MOB3B: variants seen among roughly 807,000 people sequenced by gnomAD.
MOB3B encodes the protein MOB kinase activator 3B.
A neutral mutation model predicts 18.7 loss-of-function variants in MOB3B; 7 were observed. The observed-to-expected ratio is 0.37, with a 90% confidence interval of 0.21 to 0.70. MOB3B has a LOEUF of 0.70. Ranked by LOEUF, MOB3B falls within the 30% of genes least tolerant of loss-of-function variation. The pLI is 0.52. For missense variants in MOB3B, 253 were observed against 281.3 expected, an observed-to-expected ratio of 0.90 and a Z score of 0.72; for synonymous variants, 111 against 99.9, an observed-to-expected ratio of 1.11 and a Z score of -0.66.
intron 2 of MOB3B, among the ~76,000 whole-genome samples, chr9:27,449,035 T>C (rs1329927976): frequency 6.6e-6 from 1 of 152,214 alleles, no homozygotes; most frequent in East Asian, 1.9e-4. Context: ...ACACTGGACA[T>C]GAACAGGTTT....
intron 2 of MOB3B, among the ~76,000 whole-genome samples, chr9:27,418,773 C>T (rs112411128): frequency 4.6e-5 from 7 of 152,202 alleles, no homozygotes; most frequent in African/African-American, 1.7e-4. Context: ...AGAACTGGAA[C>T]AAGACAAGAA....
intron 2 of MOB3B, among the ~76,000 whole-genome samples, chr9:27,368,668 C>T (rs1821371614): frequency 6.6e-6 from 1 of 152,220 alleles, no homozygotes; most frequent in Non-Finnish European, 1.5e-5. Flanking sequence ...CTGCCCCTCC[C>T]CAGCCCCTTT....
intron 3 of MOB3B, among the ~76,000 whole-genome samples, chr9:27,336,932 G>A (rs1364081544): frequency 2.0e-5 from 3 of 152,140 alleles, no homozygotes; most frequent in Non-Finnish European, 4.4e-5. Flanking sequence ...GGAAAGCTGC[G>A]AGTCCCCCGG....
At chr9:27,378,659 ACT>A in intron 2 of MOB3B, 1 of 470,696 alleles carries the variant, frequency 2.1e-6, no homozygotes, top group South Asian at 1.5e-5. Flanking sequence ...AGCCCTGATG[ACT>A]CCCTGACCCA....
chr9:27,376,475 G>A (rs969553899), intron 2 of MOB3B, among the ~76,000 whole-genome samples: 2 of 152,148 alleles, frequency 1.3e-5, no homozygotes, highest in African/African-American at 2.4e-5. Context: ...GCATGCTGCC[G>A]TTAGAAAAAA....
At chr9:27,526,522 C>A (rs1820440878) in intron 1 of MOB3B, 1 of 152,208 alleles carries the variant, frequency 6.6e-6, no homozygotes, top group Non-Finnish European at 1.5e-5. Context: ...AGGTCAATTA[C>A]TTTAGTCATT....
At chr9:27,392,300 T>C (rs142228118) in intron 2 of MOB3B, among the ~76,000 whole-genome samples, 1 of 152,304 alleles carries the variant, frequency 6.6e-6, no homozygotes, top group African/African-American at 2.4e-5. Context: ...TAATGAGAAA[T>C]AACTGCATAG....
chr9:27,401,300 ATT>A (rs1587183692), intron 2 of MOB3B, among the ~76,000 whole-genome samples: 1 of 152,314 alleles, frequency 6.6e-6, no homozygotes. Flanking sequence ...TGACTTTTCG[ATT>A]CAATGGCTCA....
intron 1 of MOB3B, among the ~76,000 whole-genome samples, chr9:27,490,704 A>G (rs530385515): frequency 5.7e-4 from 86 of 152,096 alleles, no homozygotes; most frequent in Non-Finnish European, 5.0e-4. Flanking sequence ...CAGCAAAACA[A>G]CTCCAAAGCC....
intron 2 of MOB3B, among the ~76,000 whole-genome samples, chr9:27,418,868 T>C (rs988672181): frequency 1.3e-5 from 2 of 152,234 alleles, no homozygotes; most frequent in South Asian, 4.2e-4. Context: ...ACTGTCACTG[T>C]TTGCTGACAA....
At chr9:27,528,684 G>T (rs1165181855) in intron 1 of MOB3B, among the ~76,000 whole-genome samples, 1 of 152,174 alleles carries the variant, frequency 6.6e-6, no homozygotes, top group Non-Finnish European at 1.5e-5. Flanking sequence ...TAGGGGAAAC[G>T]CGGAGAAACA....
At chr9:27,374,722 A>C (rs973477705) in intron 2 of MOB3B, among the ~76,000 whole-genome samples, 4 of 152,184 alleles carry the variant, frequency 2.6e-5, no homozygotes. Context: ...GAAACTGGAA[A>C]CTATAACACA....
chr9:27,452,192 C>G (rs776344006), intron 2 of MOB3B, among the ~76,000 whole-genome samples: 1 of 150,734 alleles, frequency 6.6e-6, no homozygotes, highest in Non-Finnish European at 1.5e-5. Context: ...ATCCAAACAT[C>G]CATCCACCCA....
intron 3 of MOB3B, among the ~76,000 whole-genome samples, chr9:27,334,772 T>C (rs2131332424): frequency 6.6e-6 from 1 of 152,362 alleles, no homozygotes; most frequent in South Asian, 2.1e-4. Context: ...AAATCAACGC[T>C]CTCAGTTTAC....
At chr9:27,343,882 T>TA (rs1288714469) in intron 3 of MOB3B, among the ~76,000 whole-genome samples, 1 of 152,114 alleles carries the variant, frequency 6.6e-6, no homozygotes, top group Non-Finnish European at 1.5e-5. Context: ...TTCCCCATCC[T>TA]GGCCTCACTT....
chr9:27,344,575 G>A (rs1463224649), intron 3 of MOB3B, among the ~76,000 whole-genome samples: 5 of 152,184 alleles, frequency 3.3e-5, no homozygotes, highest in African/African-American at 1.2e-4. Flanking sequence ...GTAGCCGTCA[G>A]GGAAAGAGTG....
At chr9:27,365,257 T>C (rs185458042) in intron 2 of MOB3B, among the ~76,000 whole-genome samples, 57 of 151,234 alleles carry the variant, frequency 3.8e-4, no homozygotes, top group African/African-American at 1.4e-3. Flanking sequence ...ATGTTGCTTT[T>C]GGGGAGAAGA....
At chr9:27,423,322 C>G (rs1822283540) in intron 2 of MOB3B, among the ~76,000 whole-genome samples, 1 of 151,494 alleles carries the variant, frequency 6.6e-6, no homozygotes, top group East Asian at 1.9e-4. Flanking sequence ...TATTATTGCA[C>G]ATAAATATAA....
In MOB3B at chr9:27,330,630, G is replaced by T. The variant is rs544003980; in HGVS notation, c.622-14C>A. ...CGTCATTTCTTTCTGGAAAGCAAGG[G>T]GAAAAGGATGGTTAGGAGAAACTAT... On this transcript the variant is annotated splice_polypyrimidine_tract_variant and intron_variant, in intron 3 of 3. Coordinates refer to ENST00000262244, the MANE Select transcript of MOB3B (RefSeq NM_024761.5). 3.7e-5 allele frequency: 59 copies of T among 1,614,058 alleles called. No individual in the cohort carries two copies. The highest frequency in any genetic ancestry group is 2.5e-4 in the Admixed American group (15 of 60,008).
Sources: gnomAD v4.1 joint callset for allele counts (sites outside exome capture counted in the v4.1 genomes callset) on GRCh38, gnomAD v4.1.1 for gene constraint, MANE v1.5 for transcripts, NCBI Gene and HGNC (gene_info 2026-07-23, HGNC 2026-07-21) for gene names.